The following PRKN variants were observed in gnomAD, a reference collection of about 807,000 sequenced individuals.
PRKN encodes parkin RBR E3 ubiquitin protein ligase.
A neutral mutation model predicts 59.5 loss-of-function variants in PRKN; 56 were observed. That is an observed-to-expected ratio of 0.94 (90% confidence interval 0.76 to 1.18). The LOEUF (loss-of-function observed/expected upper bound fraction) is 1.18. PRKN is among the 50% of genes most tolerant of loss of function. The pLI is 0.00. For synonymous variants in PRKN, 250 were observed against 222.1 expected (o/e 1.13, Z -1.12); for missense variants, 657 against 596.4 (o/e 1.10, Z -1.06).
intron 2 of PRKN, among the ~76,000 whole-genome samples, chr6:162,392,008 T>G (rs1787224166): frequency 6.7e-6 from 1 of 149,802 alleles, no homozygotes; most frequent in Non-Finnish European, 1.5e-5. Flanking sequence ...TTAACATTCT[T>G]CACTTTTCTT....
intron 4 of PRKN, among the ~76,000 whole-genome samples, chr6:162,111,281 C>T (rs901636044): frequency 5.9e-5 from 9 of 151,998 alleles, no homozygotes; most frequent in Non-Finnish European, 5.9e-5. Context: ...CCGGCTAACA[C>T]AGTGAAACCC....
At chr6:162,510,646 T>C (rs923722027) in intron 1 of PRKN, among the ~76,000 whole-genome samples, 4 of 152,076 alleles carry the variant, frequency 2.6e-5, no homozygotes, top group African/African-American at 9.7e-5. Flanking sequence ...CTGCAGGTCA[T>C]GCACAATGGC....
intron 7 of PRKN, among the ~76,000 whole-genome samples, chr6:161,700,529 AGGTAATGG>A (rs1413243737): frequency 6.6e-6 from 1 of 152,160 alleles, no homozygotes; most frequent in Non-Finnish European, 1.5e-5. Flanking sequence ...GATGTATATC[AGGTAATGG>A]GGTTAGCTGT....
chr6:162,232,533 C>T (rs1480414160), intron 3 of PRKN, among the ~76,000 whole-genome samples: 2 of 152,174 alleles, frequency 1.3e-5, no homozygotes, highest in African/African-American at 4.8e-5. Context: ...CTTTTCCTTT[C>T]ACTTTTCTGA....
intron 1 of PRKN, among the ~76,000 whole-genome samples, chr6:162,631,122 A>G (rs994690600): frequency 1.3e-5 from 2 of 152,158 alleles, no homozygotes; most frequent in African/African-American, 2.4e-5. Flanking sequence ...CAGTATTTGA[A>G]GGACATGGTC....
At chr6:162,476,706 T>C (rs1333313055) in intron 1 of PRKN, among the ~76,000 whole-genome samples, 2 of 152,116 alleles carry the variant, frequency 1.3e-5, no homozygotes, top group Non-Finnish European at 2.9e-5. Context: ...GCAAACGTGA[T>C]ACCCCAGCCA....
At chr6:162,010,701 T>A (rs1483348640) in intron 5 of PRKN, among the ~76,000 whole-genome samples, 1 of 4,320 alleles carries the variant, frequency 2.3e-4, no homozygotes, top group Non-Finnish European at 2.7e-4. Context: ...TATTATATTA[T>A]ATATATTATA....
chr6:161,964,731 G>C (rs1306442684), intron 6 of PRKN, among the ~76,000 whole-genome samples: 1 of 151,974 alleles, frequency 6.6e-6, no homozygotes. Context: ...ACTGTGAAAG[G>C]CTATGTTAAA....
intron 1 of PRKN, among the ~76,000 whole-genome samples, chr6:162,609,831 T>C: frequency 6.6e-6 from 1 of 152,202 alleles, no homozygotes; most frequent in East Asian, 1.9e-4. Flanking sequence ...ATTCTGGCAA[T>C]ACCCTAAGAC....
intron 7 of PRKN, among the ~76,000 whole-genome samples, chr6:161,782,764 T>C (rs1453986653): frequency 2.6e-5 from 4 of 151,892 alleles, no homozygotes. Context: ...CATGGTGGCA[T>C]GCACCTGTAG....
intron 2 of PRKN, among the ~76,000 whole-genome samples, chr6:162,382,425 T>G (rs2056909): frequency 0.065 from 9,963 of 152,286 alleles, 720 homozygotes; most frequent in East Asian, 0.38. Context: ...ACAAGTTTTG[T>G]GGTTTCCTAG....
chr6:162,702,565 T>C (rs531873627), intron 1 of PRKN, among the ~76,000 whole-genome samples: 143 of 152,256 alleles, frequency 9.4e-4, no homozygotes, highest in African/African-American at 3.3e-3. Context: ...AACTCCTTTG[T>C]CCTCTCAAGG....
At chr6:161,979,667 G>A (rs1204073864) in intron 5 of PRKN, among the ~76,000 whole-genome samples, 1 of 152,128 alleles carries the variant, frequency 6.6e-6, no homozygotes, top group Non-Finnish European at 1.5e-5. Context: ...CCATTTCTCT[G>A]GACAAGGCTG....
intron 5 of PRKN, among the ~76,000 whole-genome samples, chr6:161,995,953 G>A (rs1232379757): frequency 6.6e-6 from 1 of 152,038 alleles, no homozygotes; most frequent in Non-Finnish European, 1.5e-5. Flanking sequence ...ACAAGTCTGG[G>A]CAACATACCA....
chr6:161,653,189 C>T (rs6455753), intron 7 of PRKN, among the ~76,000 whole-genome samples: 41,080 of 151,466 alleles, frequency 0.27, 5,796 homozygotes, highest in Non-Finnish European at 0.32. Flanking sequence ...GGTGAAACCC[C>T]GTCTCTATTA....
chr6:162,343,517 G>T (rs1266610009), intron 2 of PRKN, among the ~76,000 whole-genome samples: 1 of 152,180 alleles, frequency 6.6e-6, no homozygotes, highest in East Asian at 1.9e-4. Flanking sequence ...GAAGTATAAT[G>T]GTAGACTACA....
At chr6:162,423,965 C>T (rs2128160320) in intron 2 of PRKN, among the ~76,000 whole-genome samples, 1 of 152,212 alleles carries the variant, frequency 6.6e-6, no homozygotes, top group Admixed American at 6.5e-5. Flanking sequence ...TTTATAGTAG[C>T]TTTGTTCATA....
chr6:162,267,051 A>G (rs1780175300), intron 2 of PRKN, among the ~76,000 whole-genome samples: 1 of 152,190 alleles, frequency 6.6e-6, no homozygotes, highest in South Asian at 2.1e-4. Flanking sequence ...ACCTGAGTGA[A>G]TTTTCAGGGA....
intron 2 of PRKN, among the ~76,000 whole-genome samples, chr6:162,301,439 C>T (rs1421806904): frequency 6.6e-6 from 1 of 152,058 alleles, no homozygotes; most frequent in Non-Finnish European, 1.5e-5. Context: ...TGAGGGATGC[C>T]ATAACCAAAC....
Sources: allele counts gnomAD v4.1 joint callset (sites outside exome capture counted in the v4.1 genomes callset), GRCh38; gene constraint gnomAD v4.1.1; transcripts MANE v1.5; gene names NCBI Gene and HGNC (gene_info 2026-07-23, HGNC 2026-07-21).